Variants in ATE1 observed in about 807,000 individuals in gnomAD.
The protein encoded by ATE1 is arginyl-tRNA--protein transferase 1.
ATE1 carries 36 observed loss-of-function variants against 70.5 expected under a neutral mutation model. The ratio of observed to expected loss-of-function variants is 0.51; its 90% confidence interval spans 0.39 to 0.67. The LOEUF (loss-of-function observed/expected upper bound fraction) is 0.67, where lower values mean the gene tolerates loss of function less well. Ranked by LOEUF, ATE1 falls within the 30% of genes least tolerant of loss-of-function variation. ATE1 has a pLI of 0.00. For synonymous variants in ATE1, 232 were observed against 219.3 expected (o/e 1.06, Z -0.51); for missense variants, 593 against 629.5 (o/e 0.94, Z 0.62).
chr10:121,840,104 A>G (rs1297753973), intron 9 of ATE1, among the ~76,000 whole-genome samples: 1 of 152,198 alleles, frequency 6.6e-6, no homozygotes, highest in Non-Finnish European at 1.5e-5. Flanking sequence ...ACAGAAATAA[A>G]TAGAGAAAAC....
At chr10:121,764,564 T>G (rs1007820119) in intron 11 of ATE1, among the ~76,000 whole-genome samples, 1 of 151,808 alleles carries the variant, frequency 6.6e-6, no homozygotes, top group Admixed American at 6.6e-5. Context: ...AATTTTAATG[T>G]AAAAAACAAA....
At chr10:121,779,958 C>G (rs1229590733) in intron 11 of ATE1, among the ~76,000 whole-genome samples, 1 of 152,162 alleles carries the variant, frequency 6.6e-6, no homozygotes, top group Non-Finnish European at 1.5e-5. Flanking sequence ...TTCCTCTTCC[C>G]TCTCTGGCCT....
chr10:121,885,260 CAAAAAA>C (rs1212899309), intron 7 of ATE1, among the ~76,000 whole-genome samples: 1 of 33,374 alleles, frequency 3.0e-5, no homozygotes, highest in South Asian at 2.0e-3. Context: ...GACTCCGTCT[CAAAAAA>C]AAAAAAAAAA....
intron 8 of ATE1, among the ~76,000 whole-genome samples, chr10:121,865,679 G>A (rs549275511): frequency 6.6e-6 from 1 of 152,228 alleles, no homozygotes; most frequent in African/African-American, 2.4e-5. Flanking sequence ...GAAATATGTT[G>A]CCTGACTTGA....
At chr10:121,768,033 C>A in intron 11 of ATE1, among the ~76,000 whole-genome samples, 1 of 152,160 alleles carries the variant, frequency 6.6e-6, no homozygotes, top group Admixed American at 6.5e-5. Flanking sequence ...AGGTAAAATT[C>A]TAACATATGC....
Position 121,919,453 on chromosome 10 carries a change from C to T in ATE1, c.233+2896G>A, listed in dbSNP as rs1433641884. Among the ~76,000 whole-genome samples, 7 of 151,708 alleles carry T rather than the reference C, an allele frequency of 4.6e-5. No individual in the cohort carries two copies. The East Asian group carries it at 5.8e-4, about 13-fold the overall frequency. Reference sequence around the variant, plus strand: ...GTGCACGCCTGTAATCCCAGCTAGTCGGGAGGCTGAGGCAGGAGAATCGCT... The same window carrying T: ...GTGCACGCCTGTAATCCCAGCTAGTTGGGAGGCTGAGGCAGGAGAATCGCT... On this transcript the variant is annotated intron_variant, in intron 3 of 11. Transcript: ENST00000224652.
intron 7 of ATE1, among the ~76,000 whole-genome samples, chr10:121,872,905 C>T (rs1949911983): frequency 6.6e-6 from 1 of 151,958 alleles, no homozygotes; most frequent in African/African-American, 2.4e-5. Flanking sequence ...GAGAAAGATC[C>T]TTTTCAAAAT....
At chr10:121,745,373 C>T (rs992099300) in intron 11 of ATE1, among the ~76,000 whole-genome samples, 1 of 152,078 alleles carries the variant, frequency 6.6e-6, no homozygotes, top group African/African-American at 2.4e-5. Context: ...ACAAAAACTA[C>T]TCTGAATGGG....
intron 8 of ATE1, among the ~76,000 whole-genome samples, chr10:121,858,217 T>C (rs1231103987): frequency 6.6e-6 from 1 of 152,188 alleles, no homozygotes; most frequent in East Asian, 1.9e-4. Context: ...GATGACATGG[T>C]AATTCTACTT....
Position 121,920,283 on chromosome 10 carries a change from GGAGATCAGCCTAGGAAACATGGC to G in ATE1, c.233+2043_233+2065del, listed in dbSNP as rs1489125111. On this transcript the variant is annotated intron_variant, in intron 3 of 11. Coordinates refer to ENST00000224652, the MANE Select transcript of ATE1 (RefSeq NM_001001976.3). ...GGAGGCTCCTTTGAGCCTAGAAGTTGGAGATCAGCCTAGGAAACATGGCGAGATCAGCCTAGGAAACATGGTGA... is the reference window on the plus strand; with the variant it reads ...GGAGGCTCCTTTGAGCCTAGAAGTTGGAGATCAGCCTAGGAAACATGGTGA... Among the ~76,000 whole-genome samples the G allele has an allele frequency of 1.4e-4, 21 of 151,476 alleles. 1 individual carries two copies. The highest frequency in any genetic ancestry group is 4.6e-4 in the African/African-American group (19 of 41,296).
At chr10:121,860,588 T>C (rs1438610373) in intron 8 of ATE1, among the ~76,000 whole-genome samples, 3 of 152,250 alleles carry the variant, frequency 2.0e-5, no homozygotes, top group African/African-American at 2.4e-5. Flanking sequence ...ACCAAGCTTA[T>C]GTAATTGAGA....
intron 11 of ATE1, among the ~76,000 whole-genome samples, chr10:121,752,380 G>A (rs913366766): frequency 1.2e-4 from 18 of 150,434 alleles, no homozygotes; most frequent in African/African-American, 3.2e-4. Flanking sequence ...ACAGGCACCC[G>A]CCACCACGCC....
chr10:121,917,368 T>C (rs979131599), intron 3 of ATE1, among the ~76,000 whole-genome samples: 2 of 152,072 alleles, frequency 1.3e-5, no homozygotes, highest in Admixed American at 1.3e-4. Flanking sequence ...TTATATACAC[T>C]ATGCAAACAA....
chr10:121,872,515 T>A (rs1413506302), intron 7 of ATE1, among the ~76,000 whole-genome samples: 1 of 152,208 alleles, frequency 6.6e-6, no homozygotes. Context: ...AACCCATTTT[T>A]TTTTATGTTT....
chr10:121,819,578 G>A (rs1339612533), intron 10 of ATE1, among the ~76,000 whole-genome samples: 2 of 146,058 alleles, frequency 1.4e-5, no homozygotes, highest in Non-Finnish European at 3.0e-5. Flanking sequence ...GTGGTGGCAG[G>A]TGCCTGTAGT....
In ATE1 at chr10:121,835,094, T is replaced by C. The variant is rs78783367; in HGVS notation, c.1257+1624A>G. ...TCATTATTTTTAGGCAAAACGGAAA[T>C]ATGCTCATACTTTTCCTTCTGTACA... On this transcript the variant is annotated intron_variant, in intron 10 of 11. Transcript: ENST00000224652. Among the ~76,000 whole-genome samples the C allele has an allele frequency of 4.0e-3, 605 of 152,232 alleles. 2 individuals are homozygous for C. Among genetic ancestry groups the C allele is most frequent in the African/African-American group, 9.3e-3 (387 of 41,530 alleles).
At chr10:121,750,229 G>A (rs1448297322) in intron 11 of ATE1, among the ~76,000 whole-genome samples, 1 of 152,092 alleles carries the variant, frequency 6.6e-6, no homozygotes, top group Non-Finnish European at 1.5e-5. Flanking sequence ...AGCACAACAG[G>A]CATTTTCTTA....
chr10:121,755,053 C>T (rs1379334697), intron 11 of ATE1, among the ~76,000 whole-genome samples: 1 of 152,008 alleles, frequency 6.6e-6, no homozygotes, highest in Admixed American at 6.6e-5. Context: ...TTGTTCTAGA[C>T]AAAAGGGGCC....
chr10:121,868,739 C>T (rs1482000935), intron 8 of ATE1, among the ~76,000 whole-genome samples: 2 of 152,146 alleles, frequency 1.3e-5, no homozygotes, highest in East Asian at 3.9e-4. Flanking sequence ...CACTATACCA[C>T]TCTGCTTCCC....
Sources: gnomAD v4.1 joint callset for allele counts (sites outside exome capture counted in the v4.1 genomes callset) on GRCh38, gnomAD v4.1.1 for gene constraint, MANE v1.5 for transcripts, NCBI Gene and HGNC (gene_info 2026-07-23, HGNC 2026-07-21) for gene names.